The following CDH8 variants were observed in gnomAD, a reference collection of about 807,000 sequenced individuals.
The protein encoded by CDH8 is cadherin 8.
A neutral mutation model predicts 68.1 loss-of-function variants in CDH8; 17 were observed. That is an observed-to-expected ratio of 0.25 (90% confidence interval 0.17 to 0.37). The LOEUF is 0.37. Among genes scored for constraint, CDH8 ranks in the 10% least tolerant of loss-of-function variants. CDH8 has a pLI of 1.00. For missense variants in CDH8, 763 were observed against 999.3 expected (o/e 0.76, Z 3.19); for synonymous variants, 372 against 365.1 (o/e 1.02, Z -0.21).
rs543913908 is a variant in CDH8, at chr16:62,005,185, G to A, written c.252+15967C>T. ...ACTGTGTCCCAGTACTTGCAAAGCC[G>A]AGTGACACTCAACTGTGCTAACTTT... On this transcript the variant is annotated intron_variant, in intron 2 of 11. Coordinates refer to ENST00000577390, the MANE Select transcript of CDH8 (RefSeq NM_001796.5). Among the ~76,000 whole-genome samples, 32 of 152,284 alleles carry A rather than the reference G, an allele frequency of 2.1e-4. No individual in the cohort carries two copies. The South Asian group carries it at 6.0e-3, about 29-fold the overall frequency.
At chr16:61,754,855 G>T (rs1960270636) in intron 8 of CDH8, among the ~76,000 whole-genome samples, 1 of 152,056 alleles carries the variant, frequency 6.6e-6, no homozygotes, top group African/African-American at 2.4e-5. Context: ...TTTGGGGTAT[G>T]AATGGCCCCA....
At position 61,745,025 on chromosome 16, in the gene CDH8, AT is replaced by A. The variant is rs1217918311; in HGVS notation, c.1415-17811del. 1.9e-3 allele frequency among the ~76,000 whole-genome samples: 251 copies of A among 132,874 alleles called. 1 individual carries two copies. Among genetic ancestry groups the A allele is most frequent in the Middle Eastern group, 4.2e-3 (1 of 238 alleles). 87.2% of individuals were successfully genotyped at this position (132,874 alleles called of 152,430 possible). ...CATATTGCCATTTAGGCTGGTTTTCATTTTTTTTTTTTAGAAAAATATATTT... is the reference window on the plus strand; with the variant it reads ...CATATTGCCATTTAGGCTGGTTTTCATTTTTTTTTTTAGAAAAATATATTT... On this transcript the variant is annotated intron_variant, in intron 8 of 11. Transcript: ENST00000577390.
chr16:61,756,650 A>G (rs1006155592), intron 8 of CDH8, among the ~76,000 whole-genome samples: 1 of 152,202 alleles, frequency 6.6e-6, no homozygotes, highest in African/African-American at 2.4e-5. Context: ...AATAGAGAAC[A>G]TATTTTTTTG....
chr16:61,713,708 A>T (rs1964671153), intron 10 of CDH8, 133 bp downstream of exon 10: 4 of 593,628 alleles, frequency 6.7e-6, no homozygotes, highest in Non-Finnish European at 9.0e-6. Flanking sequence ...ATGCCATTAT[A>T]CTGATAAGCT....
intron 2 of CDH8, among the ~76,000 whole-genome samples, chr16:61,927,692 C>T (rs1426911958): frequency 3.9e-5 from 6 of 152,294 alleles, no homozygotes; most frequent in Non-Finnish European, 7.3e-5. Flanking sequence ...TCAGGTGGCA[C>T]CTAATGGCCC....
In CDH8 at chr16:61,673,212, A is replaced by G. The variant is rs543494518; in HGVS notation, c.1655-17491T>C. 2.0e-5 allele frequency among the ~76,000 whole-genome samples: 3 copies of G among 152,232 alleles called. No homozygotes were observed. In the South Asian group the frequency reaches 6.2e-4, roughly 32 times the overall value. On this transcript the variant is annotated intron_variant, in intron 10 of 11. Coordinates refer to ENST00000577390, the MANE Select transcript of CDH8 (RefSeq NM_001796.5). Reference sequence around the variant, plus strand: ...GCCCTTTTAGCCCAAGGTCATTGACATCATTTTATAAATTTCTATCTTTTT... The same window carrying G: ...GCCCTTTTAGCCCAAGGTCATTGACGTCATTTTATAAATTTCTATCTTTTT...
In CDH8 at chr16:61,652,348, T is replaced by C. The variant is rs1963340160; in HGVS notation, c.*1260A>G. ...AAAACTGTGGGGGTAAATTGAAGCA[T>C]GTTTATTGGGCAGGGCATGATGTAG... On this transcript the variant is annotated 3_prime_UTR_variant, in exon 12 of 12. Coordinates refer to ENST00000577390, the MANE Select transcript of CDH8 (RefSeq NM_001796.5). 2.0e-6 allele frequency: 2 copies of C among 984,698 alleles called. No individual in the cohort carries two copies. Among genetic ancestry groups the C allele is most frequent in the South Asian group, 4.7e-5 (1 of 21,270 alleles). 61.0% of individuals were successfully genotyped at this position (984,698 alleles called of 1,614,324 possible).
chr16:62,003,413 G>A (rs1338298150), intron 2 of CDH8, among the ~76,000 whole-genome samples: 1 of 152,088 alleles, frequency 6.6e-6, no homozygotes, highest in Non-Finnish European at 1.5e-5. Context: ...TTTTAATAAC[G>A]TGCTTTATAT....
At chr16:61,923,910 T>C (rs1964416062) in intron 2 of CDH8, among the ~76,000 whole-genome samples, 2 of 149,730 alleles carry the variant, frequency 1.3e-5, no homozygotes, top group East Asian at 1.9e-4. Flanking sequence ...TATATCTCTT[T>C]AGAACAGGGT....
chr16:61,679,430 A>T (rs1021368675), intron 10 of CDH8, among the ~76,000 whole-genome samples: 1 of 151,976 alleles, frequency 6.6e-6, no homozygotes, highest in Non-Finnish European at 1.5e-5. Context: ...TTTTGAATGC[A>T]TTTCTGGGCA....
At chr16:61,908,708 A>G (rs539556546) in intron 2 of CDH8, among the ~76,000 whole-genome samples, 3 of 152,176 alleles carry the variant, frequency 2.0e-5, no homozygotes, top group Non-Finnish European at 2.9e-5. Context: ...GCTGCACCAC[A>G]TAATTGGGAA....
rs140918850 is a variant in CDH8 at position 61,946,147 on chromosome 16, G to GCA, written c.253-44676_253-44675dup. Among the ~76,000 whole-genome samples the GCA allele has an allele frequency of 5.9e-5, 9 of 152,026 alleles. No homozygotes were observed. In the East Asian group the frequency reaches 9.7e-4, roughly 16 times the overall value. ...CAGGAAAACATACACACATGTGCAT[G>GCA]CACACACACACAGAGGACCTCTGAA... is the stretch of plus-strand genomic sequence containing the variant. On this transcript the variant is annotated intron_variant, in intron 2 of 11. Transcript: ENST00000577390.
intron 8 of CDH8, among the ~76,000 whole-genome samples, chr16:61,758,755 C>T (rs183131151): frequency 4.3e-4 from 65 of 152,192 alleles, no homozygotes; most frequent in African/African-American, 1.5e-3. Context: ...AAATAATTCT[C>T]AAATTAAGAA....
At chr16:61,988,725 T>C (rs1965668473) in intron 2 of CDH8, among the ~76,000 whole-genome samples, 1 of 152,244 alleles carries the variant, frequency 6.6e-6, no homozygotes, top group Non-Finnish European at 1.5e-5. Context: ...ATGGGAAGTT[T>C]TTAAACTGAT....
intron 2 of CDH8, among the ~76,000 whole-genome samples, chr16:62,013,319 G>A (rs973366720): frequency 2.6e-5 from 4 of 150,974 alleles, no homozygotes; most frequent in African/African-American, 9.8e-5. Context: ...AAGAGCATTG[G>A]CAATGTGTAT....
At chr16:62,032,348 G>A (rs955611667) in intron 1 of CDH8, among the ~76,000 whole-genome samples, 1 of 152,062 alleles carries the variant, frequency 6.6e-6, no homozygotes, top group African/African-American at 2.4e-5. Flanking sequence ...TGTTATTTGC[G>A]TGCGTGTGTG....
chr16:62,019,910 C>T (rs1322713382), intron 2 of CDH8, among the ~76,000 whole-genome samples: 1 of 152,122 alleles, frequency 6.6e-6, no homozygotes, highest in South Asian at 2.1e-4. Context: ...AACATAAGTT[C>T]CTTAAAGGCA....
At chr16:61,827,036 T>C (rs1962351828) in intron 4 of CDH8, among the ~76,000 whole-genome samples, 1 of 151,944 alleles carries the variant, frequency 6.6e-6, no homozygotes, top group East Asian at 1.9e-4. Context: ...ACCATTCAGA[T>C]TTAGATCACT....
chr16:61,885,724 A>C (rs1239297651), intron 3 of CDH8, among the ~76,000 whole-genome samples: 1 of 152,168 alleles, frequency 6.6e-6, no homozygotes, highest in Non-Finnish European at 1.5e-5. Context: ...AAAAAAAAAA[A>C]AAAGGAATCT....
Sources: gnomAD v4.1 joint callset for allele counts (sites outside exome capture counted in the v4.1 genomes callset) on GRCh38, gnomAD v4.1.1 for gene constraint, MANE v1.5 for transcripts, NCBI Gene and HGNC (gene_info 2026-07-23, HGNC 2026-07-21) for gene names.